LIPT1: variants seen among roughly 807,000 people sequenced by gnomAD.
LIPT1 encodes lipoyltransferase 1, also known as lipoyl amidotransferase LIPT1, mitochondrial.
A neutral mutation model predicts 25.1 loss-of-function variants in LIPT1; 22 were observed. That is an observed-to-expected ratio of 0.88 (90% CI 0.63 to 1.25). The LOEUF is 1.25. Among genes scored for constraint, LIPT1 ranks in the 50% most tolerant of loss-of-function variants. The pLI is 0.00. For missense variants in LIPT1, 399 were observed against 432.8 expected, an observed-to-expected ratio of 0.92 and a Z score of 0.69; for synonymous variants, 131 against 150.8, an observed-to-expected ratio of 0.87 and a Z score of 0.96.
intron 1 of LIPT1, among the ~76,000 whole-genome samples, chr2:99,157,660 A>G (rs1211973266): frequency 6.6e-6 from 1 of 152,196 alleles, no homozygotes; most frequent in Non-Finnish European, 1.5e-5. Context: ...TGAAGCTTCC[A>G]TAATAGCATA....
chr2:99,158,298 C>T lies in LIPT1; in HGVS notation c.-2+3247C>T, dbSNP rs140310618. Among the ~76,000 whole-genome samples the T allele has an allele frequency of 4.9e-4, 74 of 152,072 alleles. No homozygotes were observed. The Middle Eastern group carries it at 0.014, about 28-fold the overall frequency. ...ATTCTCCATGCTTAAAATCTCTAGG[C>T]GGTGTCCCTGAAGTATAAATCCAAA... is the stretch of plus-strand genomic sequence containing the variant. On this transcript the variant is annotated intron_variant, in intron 1 of 1. Coordinates refer to ENST00000651691, the MANE Select transcript of LIPT1 (RefSeq NM_145199.3).
At chr2:99,161,723 G>T (rs896036007) in intron 1 of LIPT1, 17 of 438,730 alleles carry the variant, frequency 3.9e-5, no homozygotes, top group Non-Finnish European at 5.6e-5. Context: ...CAGACTTATT[G>T]TTTGAAAACT....
chr2:99,163,054 G>T lies in LIPT1; in HGVS notation c.1097G>T (p.Cys366Phe), dbSNP rs1303875160. The change falls in exon 2 of 2, where the codon TGT becomes TTT. Residue 366 changes from cysteine to phenylalanine, a missense_variant. By Grantham distance (205) the Cys-to-Phe change is radical (BLOSUM62 -2). Coordinates refer to ENST00000651691, the MANE Select transcript of LIPT1 (RefSeq NM_145199.3). ...CTAAACAGTAAATGGAATATTCTCTGTGAAAAAATTAAGGGAATAATGTGA... is the reference window on the plus strand; with the variant it reads ...CTAAACAGTAAATGGAATATTCTCTTTGAAAAAATTAAGGGAATAATGTGA... The part of the protein sequence containing the change: ...HKLNSKWNIL[C>F]EKIKGIM 1 of 1,558,370 alleles carries T rather than the reference G, an allele frequency of 6.4e-7. No individual in the cohort carries two copies. Among genetic ancestry groups the T allele is most frequent in the East Asian group, 2.3e-5 (1 of 44,240 alleles).
rs1014051221 is a variant in LIPT1, at chr2:99,162,822, T to C, written c.865T>C (p.Tyr289His). 1.2e-6 allele frequency: 2 copies of C among 1,614,014 alleles called. No individual in the cohort carries two copies. Among genetic ancestry groups the C allele is most frequent in the East Asian group, 2.2e-5 (1 of 44,872 alleles). ...FSINTSFHVL[Y>H]EQSHLEIKVF... ...TATAAATACTTCCTTTCATGTGTTA[T>C]ATGAACAGTCACACTTGGAAATTAA... Residue 289 changes from tyrosine (Y) to histidine (H), a missense_variant, in exon 2 of 2, where the codon TAT (tyrosine) becomes CAT (histidine). Tyr to His is a moderately conservative substitution (Grantham distance 83, BLOSUM62 2). Transcript: ENST00000651691.
At chr2:99,156,225 T>G (rs2105182665) in intron 1 of LIPT1, 1 of 152,316 alleles carries the variant, frequency 6.6e-6, no homozygotes, top group East Asian at 1.9e-4. Context: ...CAACCCTATT[T>G]AAAATTGCAA....
chr2:99,157,886 A>G (rs1225471632), intron 1 of LIPT1, among the ~76,000 whole-genome samples: 1 of 152,012 alleles, frequency 6.6e-6, no homozygotes. Context: ...AATTATCTTA[A>G]CCCCATACTT....
chr2:99,156,681 C>T (rs556860337), intron 1 of LIPT1: 1 of 152,078 alleles, frequency 6.6e-6, no homozygotes, highest in Non-Finnish European at 1.5e-5. Context: ...GAATTAATAC[C>T]TTTGTTGTGT....
chr2:99,155,073 C>G (rs545882777), intron 1 of LIPT1, 22 bp downstream of exon 1: 5 of 455,264 alleles, frequency 1.1e-5, no homozygotes, highest in South Asian at 4.7e-5. Context: ...GGAAACGCTT[C>G]AAACCGGGAT....
chr2:99,160,708 C>A (rs2093780604), intron 1 of LIPT1, among the ~76,000 whole-genome samples: 1 of 152,112 alleles, frequency 6.6e-6, no homozygotes. Flanking sequence ...TCCCAGTTGC[C>A]TCTCTCTCTG....
intron 1 of LIPT1, among the ~76,000 whole-genome samples, chr2:99,161,138 G>T (rs531406887): frequency 6.7e-6 from 1 of 150,112 alleles, no homozygotes; most frequent in Non-Finnish European, 1.5e-5. Flanking sequence ...GGTGGCAGGC[G>T]TCTGTTATCC....
At chr2:99,158,429 CA>C (rs753259893) in intron 1 of LIPT1, among the ~76,000 whole-genome samples, 10 of 96,558 alleles carry the variant, frequency 1.0e-4, no homozygotes, top group Non-Finnish European at 9.6e-5. Flanking sequence ...TTCATCTCTA[CA>C]AAAAAAAAAA....
chr2:99,156,250 C>T (rs1194210925), intron 1 of LIPT1: 2 of 152,284 alleles, frequency 1.3e-5, no homozygotes, highest in South Asian at 4.1e-4. Context: ...AGTTTTCTCA[C>T]ATACACAGTT....
At position 99,162,726 on chromosome 2, in the gene LIPT1, C is replaced by A. The variant is rs2105202156; in HGVS notation, c.769C>A (p.Pro257Thr). The change falls in exon 2 of 2, where the codon CCT becomes ACT. Residue 257 changes from proline (P) to threonine (T), a missense_variant. By Grantham distance (38) the Pro-to-Thr change is conservative. Coordinates refer to ENST00000651691, the MANE Select transcript of LIPT1 (RefSeq NM_145199.3). ...AAACCCAACGGATGAGACACTGTTT[C>A]CTGGAATAAATAGCAAAGCCAAAGA... is the stretch of plus-strand genomic sequence containing the variant. The part of the protein sequence containing the change: ...LINPTDETLF[P>T]GINSKAKELQ... The A allele has an allele frequency of 1.9e-6, 3 of 1,614,122 alleles. No individual in the cohort carries two copies. Among genetic ancestry groups the A allele is most frequent in the Non-Finnish European group, 2.5e-6 (3 of 1,180,014 alleles).
At chr2:99,156,164 G>T (rs2093750830) in intron 1 of LIPT1, 1 of 152,374 alleles carries the variant, frequency 6.6e-6, no homozygotes, top group Non-Finnish European at 1.5e-5. Flanking sequence ...GCTTAGAACA[G>T]CTTCTTGCAT....
intron 1 of LIPT1, chr2:99,155,269 G>A (rs1308473853): frequency 5.5e-6 from 2 of 365,910 alleles, no homozygotes; most frequent in East Asian, 7.3e-5. Flanking sequence ...CAGGAGGGAG[G>A]GTAAATATCG....
chr2:99,161,997 C>T lies in LIPT1; in HGVS notation c.40C>T (p.Leu14Phe). ...TTCAATGAAGAATTGCTTCCAGTTA[C>T]TTTGTAACTGCCAGGTCCCAGCAGC... ...PFSMKNCFQLLCNCQVPAAGF... is the reference protein window; with the variant it reads ...PFSMKNCFQLFCNCQVPAAGF... Residue 14 changes from leucine (L) to phenylalanine (F), a missense_variant, in exon 2 of 2, where the codon CTT becomes TTT. Physicochemically the swap from Leu to Phe is conservative, Grantham distance 22 (BLOSUM62 0). Transcript: ENST00000651691. 6.2e-7 allele frequency: 1 copy of T among 1,611,610 alleles called. No homozygotes were observed. The highest frequency in any genetic ancestry group is 2.2e-5 in the East Asian group (1 of 44,816).
In LIPT1 at chr2:99,161,051, G is replaced by A. The variant is rs2093783236; in HGVS notation, c.-1-906G>A. On this transcript the variant is annotated intron_variant, in intron 1 of 1. Transcript: ENST00000651691. ...GGCTGAGGCGGGCAGATCACCTGAG[G>A]TCAGGAGTTCCAAGACCAGCATGGC... Among the ~76,000 whole-genome samples, 3 of 150,078 alleles carry A rather than the reference G, an allele frequency of 2.0e-5. No homozygotes were observed. In the South Asian group the frequency reaches 6.3e-4, roughly 32 times the overall value.
rs781057457 is a variant in LIPT1, at chr2:99,162,920, G to A, written c.963G>A (p.Leu321=). ...NIEAPDHWLP[L]EIRDKLNSSL... ...AAGCACCTGATCATTGGTTGCCATT[G>A]GAAATACGTGACAAATTAAATTCAA... Residue 321 remains leucine (L), a synonymous_variant, in exon 2 of 2, where the codon TTG becomes TTA. Coordinates refer to ENST00000651691, the MANE Select transcript of LIPT1 (RefSeq NM_145199.3). 6.2e-7 allele frequency: 1 copy of A among 1,613,630 alleles called. No homozygotes were observed. Among genetic ancestry groups the A allele is most frequent in the South Asian group, 1.1e-5 (1 of 90,960 alleles).
chr2:99,162,853 TCATAGA>T lies in LIPT1; in HGVS notation c.901_906del (p.Asp301_Ile302del). 2 of 1,613,310 alleles carry T rather than the reference TCATAGA, an allele frequency of 1.2e-6. No individual in the cohort carries two copies. The highest frequency in any genetic ancestry group is 1.7e-6 in the Non-Finnish European group (2 of 1,179,422). Reference sequence around the variant, plus strand: ...CAGTCACACTTGGAAATTAAAGTATTCATAGACATAAAGAATGGAAGAATTGAAATT... The same window carrying T: ...CAGTCACACTTGGAAATTAAAGTATTCATAAAGAATGGAAGAATTGAAATT... On this transcript the variant is annotated inframe_deletion, in exon 2 of 2. Transcript: ENST00000651691.
Sources: allele counts gnomAD v4.1 joint callset (sites outside exome capture counted in the v4.1 genomes callset), GRCh38; gene constraint gnomAD v4.1.1; transcripts MANE v1.5; gene names NCBI Gene and HGNC (gene_info 2026-07-23, HGNC 2026-07-21).